ZNF774: variants seen among roughly 807,000 people sequenced by gnomAD.
ZNF774 encodes the protein zinc finger protein 774.
ZNF774 carries 14 observed loss-of-function variants against 11.1 expected under a neutral mutation model. The ratio of observed to expected loss-of-function variants is 1.26; its 90% CI spans 0.83 to 1.97. The LOEUF is 1.97. ZNF774 is among the 30% of genes most tolerant of loss of function. ZNF774 has a pLI of 0.00. For synonymous variants in ZNF774, 195 were observed against 212.6 expected, an observed-to-expected ratio of 0.92 and a Z score of 0.72; for missense variants, 599 against 587.0, an observed-to-expected ratio of 1.02 and a Z score of -0.21.
intron 1 of ZNF774, among the ~76,000 whole-genome samples, chr15:90,354,067 C>CT (rs200430155): frequency 1.2e-4 from 18 of 148,192 alleles, no homozygotes; most frequent in South Asian, 2.1e-4. Context: ...TCCATGTCTT[C>CT]TTTTTTTTAA....
intron 3 of ZNF774, 45 bp from the exon 4 acceptor site, chr15:90,359,998 G>C (rs747880834): frequency 6.5e-7 from 1 of 1,532,996 alleles, no homozygotes; most frequent in Non-Finnish European, 8.8e-7. Flanking sequence ...ATTCCTTCCT[G>C]ATAACTGATA....
chr15:90,358,781 G>C, intron 2 of ZNF774, 70 bp from the exon 3 acceptor site: 1 of 1,274,934 alleles, frequency 7.8e-7, no homozygotes, highest in Non-Finnish European at 1.1e-6. Context: ...GCAGGGAGTA[G>C]GGCTTGGATT....
chr15:90,354,726 A>G lies in ZNF774; in HGVS notation c.66A>G (p.Glu22=). The stretch of plus-strand genomic sequence containing the variant: ...ACTGCTTAGAGAATCCTCTCCAGGA[A>G]TGCCACCCAGCACAGTTAGAAGAAT... ...PGHCLENPLQ[E]CHPAQLEEWA... is the part of the protein sequence containing the mutation. The change falls in exon 2 of 4, where the codon GAA becomes GAG. Residue 22 remains glutamate, a synonymous_variant. Transcript: ENST00000354377. 1 of 1,612,644 alleles carries G rather than the reference A, an allele frequency of 6.2e-7. No homozygotes were observed. The highest frequency in any genetic ancestry group is 8.5e-7 in the Non-Finnish European group (1 of 1,179,416).
Position 90,361,420 on chromosome 15 carries a change from T to C in ZNF774, c.*137T>C, listed in dbSNP as rs767517053. 1.8e-5 allele frequency: 26 copies of C among 1,478,712 alleles called. No homozygotes were observed. The highest frequency in any genetic ancestry group is 2.2e-5 in the Non-Finnish European group (25 of 1,123,344). The allele number at this position is 1,478,712 out of a possible 1,614,324, so 91.6% of individuals were successfully genotyped here. The stretch of plus-strand genomic sequence containing the variant: ...TATTCTCCCTCTTTCTTGTCTATGT[T>C]ATAACAGAGAGGATAAACTTAAAGG... On this transcript the variant is annotated 3_prime_UTR_variant, in exon 4 of 4. Coordinates refer to ENST00000354377, the MANE Select transcript of ZNF774 (RefSeq NM_001004309.3).
chr15:90,361,309 T>C lies in ZNF774; in HGVS notation c.*26T>C, dbSNP rs1964334250. The C allele has an allele frequency of 6.4e-7, 1 of 1,550,924 alleles. No homozygotes were observed. Among genetic ancestry groups the C allele is most frequent in the African/African-American group, 1.4e-5 (1 of 72,928 alleles). On this transcript the variant is annotated 3_prime_UTR_variant, in exon 4 of 4. Transcript: ENST00000354377. ...GAAGTAGTCTTTGGTGTTCAGCTGC[T>C]CCCTTGCACATTTTCATTGCTACTG...
intron 1 of ZNF774, among the ~76,000 whole-genome samples, chr15:90,352,985 T>A (rs1214979531): frequency 1.3e-5 from 2 of 151,984 alleles, no homozygotes; most frequent in African/African-American, 2.4e-5. Flanking sequence ...TTTTTTTTTT[T>A]AGACGGAATT....
intron 3 of ZNF774, 134 bp from the exon 4 acceptor site, chr15:90,359,909 A>G: frequency 1.0e-6 from 1 of 1,002,492 alleles, no homozygotes; most frequent in Non-Finnish European, 1.4e-6. Flanking sequence ...AACTTTTCAC[A>G]AAGTGAAAAC....
rs1217309967 is a variant in ZNF774 at position 90,360,756 on chromosome 15, C to T, written c.925C>T (p.His309Tyr). Residue 309 changes from histidine to tyrosine, a missense_variant, in exon 4 of 4, where the codon CAC becomes TAC. By Grantham distance (83) the His-to-Tyr change is moderately conservative (BLOSUM62 2). Transcript: ENST00000354377. ...SFSQSSDLIK[H>Y]QRTHTGERPF... ...TAGCCAGAGCTCGGATTTGATTAAG[C>T]ACCAACGAACCCACACGGGAGAACG... 10 of 1,614,036 alleles carry T rather than the reference C, an allele frequency of 6.2e-6. No homozygotes were observed. Among genetic ancestry groups the T allele is most frequent in the Non-Finnish European group, 8.5e-6 (10 of 1,180,024 alleles).
rs1567102345 is a variant in ZNF774 at position 90,360,428 on chromosome 15, AAC to A, written c.605_606del (p.Thr202ArgfsTer11). 2.5e-6 allele frequency: 4 copies of A among 1,613,734 alleles called. No individual in the cohort carries two copies. Among genetic ancestry groups the A allele is most frequent in the East Asian group, 2.2e-5 (1 of 44,876 alleles). ...QSSDLVTHRR[T>X]HTGEKPYQCK... ...GCTCAGACCTTGTCACCCATCGCAG[AAC>A]ACACACAGGAGAGAAGCCCTACCAA... On this transcript the variant is annotated frameshift_variant, in exon 4 of 4. Coordinates refer to ENST00000354377, the MANE Select transcript of ZNF774 (RefSeq NM_001004309.3). LOFTEE classifies it low-confidence loss of function (END_TRUNC).
intron 2 of ZNF774, chr15:90,355,401 C>G (rs1219591863): frequency 4.4e-6 from 2 of 455,810 alleles, no homozygotes; most frequent in African/African-American, 4.0e-5. Context: ...CTTCTGAGGT[C>G]TTTGTGGAAA....
chr15:90,359,957 G>A, intron 3 of ZNF774, 86 bp from the exon 4 acceptor site: 1 of 1,429,484 alleles, frequency 7.0e-7, no homozygotes, highest in Non-Finnish European at 9.4e-7. Context: ...TGCAGAAACA[G>A]GGATTTTAAT....
intron 2 of ZNF774, among the ~76,000 whole-genome samples, chr15:90,355,615 T>C (rs12908726): frequency 1 from 151,335 of 151,338 alleles, 75,666 homozygotes; most frequent in Middle Eastern, 1. Flanking sequence ...CCCAGCTACT[T>C]TGGAGGTTGA....
intron 2 of ZNF774, 34 bp from the exon 3 acceptor site, chr15:90,358,817 C>T: frequency 1.3e-6 from 2 of 1,588,194 alleles, no homozygotes; most frequent in Non-Finnish European, 1.7e-6. Context: ...GTGATTGGCT[C>T]AGACTCACAT....
intron 1 of ZNF774, 68 bp from the exon 2 acceptor site, chr15:90,354,574 T>C: frequency 9.2e-7 from 1 of 1,092,886 alleles, no homozygotes; most frequent in Non-Finnish European, 1.4e-6. Context: ...GTGGCCATTT[T>C]TTGGCTTTCA....
intron 2 of ZNF774, among the ~76,000 whole-genome samples, chr15:90,356,036 AAAAAT>A (rs1567100683): frequency 2.8e-5 from 4 of 141,316 alleles, no homozygotes; most frequent in Admixed American, 7.0e-5. Context: ...TCAAAAAAAA[AAAAAT>A]AAATAAAAAA....
rs139024924 is a variant in ZNF774, at chr15:90,361,028, A to G, written c.1197A>G (p.Gly399=). 135 of 1,614,170 alleles carry G rather than the reference A, an allele frequency of 8.4e-5. No individual in the cohort carries two copies. The African/African-American group carries it at 1.2e-3, about 15-fold the overall frequency. The change falls in exon 4 of 4, where the codon GGA becomes GGG. Residue 399 remains glycine, a synonymous_variant. Coordinates refer to ENST00000354377, the MANE Select transcript of ZNF774 (RefSeq NM_001004309.3). ...ALIKHQRIHT[G]ERPYKCGECG... ...TTAAGCACCAACGAATCCACACCGG[A>G]GAAAGACCCTACAAATGTGGAGAGT... is the stretch of plus-strand genomic sequence containing the variant.
At chr15:90,353,481 A>G (rs963472587) in intron 1 of ZNF774, among the ~76,000 whole-genome samples, 7 of 149,074 alleles carry the variant, frequency 4.7e-5, no homozygotes, top group African/African-American at 1.5e-4. Context: ...AGTAGTAAAT[A>G]GGTGATTTGT....
At chr15:90,358,762 C>T (rs1964281377) in intron 2 of ZNF774, 89 bp from the exon 3 acceptor site, 1 of 993,094 alleles carries the variant, frequency 1.0e-6, no homozygotes, top group Admixed American at 2.1e-5. Context: ...GGTGTTCTTC[C>T]ATACCTAGGC....
In ZNF774 at chr15:90,361,247, G is replaced by C. The variant is rs138319073; in HGVS notation, c.1416G>C (p.Ala472=). ...GTAACAAGAGCTTCCGTCAGAAAGC[G>C]CATCTTTTATGCCATCAAAACACCC... ...SKCNKSFRQK[A]HLLCHQNTHL... is the part of the protein sequence containing the mutation. Residue 472 remains alanine (A), a synonymous_variant, in exon 4 of 4, where the codon GCG becomes GCC. Transcript: ENST00000354377. 2.5e-6 allele frequency: 4 copies of C among 1,609,944 alleles called. No individual in the cohort carries two copies. The highest frequency in any genetic ancestry group is 3.4e-6 in the Non-Finnish European group (4 of 1,177,618).
Sources: gnomAD v4.1 joint callset for allele counts (sites outside exome capture counted in the v4.1 genomes callset) on GRCh38, gnomAD v4.1.1 for gene constraint, MANE v1.5 for transcripts, NCBI Gene and HGNC (gene_info 2026-07-23, HGNC 2026-07-21) for gene names.